TRIP4: variants seen among roughly 807,000 people sequenced by gnomAD.
TRIP4 encodes the protein thyroid hormone receptor interactor 4.
Under a neutral mutation model 81.8 loss-of-function variants are expected in TRIP4, and 54 were observed. The ratio of observed to expected loss-of-function variants is 0.66; its 90% confidence interval spans 0.53 to 0.83. The LOEUF is 0.83. Among genes scored for constraint, TRIP4 ranks in the 40% least tolerant of loss-of-function variants. The pLI, the probability that TRIP4 is intolerant of heterozygous loss-of-function variation, is 0.00. For missense variants in TRIP4, 662 were observed against 683.6 expected, an observed-to-expected ratio of 0.97 and a Z score of 0.35; for synonymous variants, 270 against 242.8, an observed-to-expected ratio of 1.11 and a Z score of -1.04.
At position 64,395,332 on chromosome 15, in the gene TRIP4, T is replaced by C. The variant is rs1029765692; in HGVS notation, c.272-66T>C. The stretch of plus-strand genomic sequence containing the variant: ...GCATCACCTTAGTTTATTAGCTATA[T>C]TAGTTCACCAGGAATCCTCTTATCA... On this transcript the variant is annotated intron_variant, in intron 2 of 12. Coordinates refer to ENST00000261884, the MANE Select transcript of TRIP4 (RefSeq NM_016213.5). 9 of 1,409,720 alleles carry C rather than the reference T, an allele frequency of 6.4e-6. No individual in the cohort carries two copies. The African/African-American group carries it at 1.3e-4, about 20-fold the overall frequency. 87.3% of individuals were successfully genotyped at this position (1,409,720 alleles called of 1,614,324 possible).
intron 12 of TRIP4, among the ~76,000 whole-genome samples, chr15:64,447,462 T>G (rs1892659651): frequency 1.3e-5 from 2 of 152,252 alleles, no homozygotes; most frequent in African/African-American, 4.8e-5. Context: ...ATACTGATGC[T>G]GTTGGCCAGC....
intron 11 of TRIP4, among the ~76,000 whole-genome samples, chr15:64,426,425 C>T (rs1031454841): frequency 3.3e-5 from 5 of 152,040 alleles, no homozygotes; most frequent in African/African-American, 9.7e-5. Flanking sequence ...ACAGGTCGGG[C>T]GCAGTGGCTT....
chr15:64,453,739 G>C (rs978134141), intron 12 of TRIP4, among the ~76,000 whole-genome samples: 1 of 152,190 alleles, frequency 6.6e-6, no homozygotes, highest in African/African-American at 2.4e-5. Context: ...AAAAGAGAGA[G>C]AGAGATAAAC....
intron 6 of TRIP4, 46 bp from the exon 7 acceptor site, chr15:64,409,567 A>G (rs1247276056): frequency 2.5e-6 from 4 of 1,569,744 alleles, no homozygotes; most frequent in Admixed American, 1.7e-5. Flanking sequence ...ATCGGTCCTT[A>G]TTTGTCAACA....
intron 11 of TRIP4, 131 bp downstream of exon 11, chr15:64,425,762 C>G: frequency 1.3e-5 from 8 of 608,820 alleles, no homozygotes; most frequent in Admixed American, 3.4e-5. Context: ...CCACACCCAG[C>G]CTGGTGCATA....
At position 64,418,694 on chromosome 15, in the gene TRIP4, C is replaced by T. The variant is rs765715143; in HGVS notation, c.1324C>T (p.Pro442Ser). The T allele has an allele frequency of 6.2e-7, 1 of 1,613,662 alleles. No homozygotes were observed. The highest frequency in any genetic ancestry group is 1.7e-5 in the Admixed American group (1 of 59,906). ...DGGWCLSVHQ[P>S]WASLLVRGIK... The stretch of plus-strand genomic sequence containing the variant: ...TGGCTGGTGCCTCTCTGTACATCAG[C>T]CCTGGGCTTCTCTGCTTGTCAGAGG... The change falls in exon 9 of 13, where the codon CCC (proline) becomes TCC (serine). Residue 442 changes from proline (P) to serine (S), a missense_variant. Physicochemically the swap from Pro to Ser is moderately conservative, Grantham distance 74 (BLOSUM62 -1). Transcript: ENST00000261884.
chr15:64,445,316 G>T, intron 12 of TRIP4: 1 of 322,996 alleles, frequency 3.1e-6, no homozygotes. Context: ...CATCTTACTT[G>T]TCTAGATTTT....
Position 64,409,844 on chromosome 15 carries a change from TAG to T in TRIP4, c.1043+18_1043+19del, listed in dbSNP as rs749700968. On this transcript the variant is annotated intron_variant, in intron 7 of 12. Transcript: ENST00000261884. The stretch of plus-strand genomic sequence containing the variant: ...ATCATAGCAGGTAAGTGAGCAGCAC[TAG>T]AAAGGGTCTCAAAGAAGGAACAGGT... The T allele has an allele frequency of 6.2e-7, 1 of 1,606,414 alleles. No individual in the cohort carries two copies. The highest frequency in any genetic ancestry group is 8.5e-7 in the Non-Finnish European group (1 of 1,173,696).
chr15:64,450,306 G>A (rs1222314712), intron 12 of TRIP4, among the ~76,000 whole-genome samples: 2 of 150,440 alleles, frequency 1.3e-5, no homozygotes, highest in African/African-American at 2.5e-5. Flanking sequence ...GGAGAATGGC[G>A]TGAACCCGGG....
chr15:64,388,167 C>T (rs1228474805), intron 1 of TRIP4: 3 of 957,814 alleles, frequency 3.1e-6, no homozygotes, highest in African/African-American at 1.7e-5. Flanking sequence ...GTCTGCCGGT[C>T]GGGCTTTTTT....
intron 3 of TRIP4, among the ~76,000 whole-genome samples, chr15:64,395,793 T>G (rs1452327699): frequency 6.6e-6 from 1 of 151,120 alleles, no homozygotes; most frequent in Non-Finnish European, 1.5e-5. Flanking sequence ...CAGTCTGGAG[T>G]GCAGTGGTGC....
chr15:64,440,533 T>C (rs1892494985), intron 11 of TRIP4, among the ~76,000 whole-genome samples: 1 of 151,184 alleles, frequency 6.6e-6, no homozygotes, highest in Non-Finnish European at 1.5e-5. Context: ...TGAAAAATAA[T>C]CTCTTCTTCC....
At chr15:64,431,847 A>ATATATATATATTTTTT in intron 11 of TRIP4, among the ~76,000 whole-genome samples, 4 of 119,560 alleles carry the variant, frequency 3.3e-5, no homozygotes, top group Non-Finnish European at 3.3e-5. Flanking sequence ...ATATATATAT[A>ATATATATATATTTTTT]TTTTTTTTAT....
chr15:64,398,911 G>T (rs553837532), intron 4 of TRIP4, among the ~76,000 whole-genome samples: 3 of 145,712 alleles, frequency 2.1e-5, no homozygotes, highest in African/African-American at 7.9e-5. Flanking sequence ...CCTCTTTTCT[G>T]ATGGGGCCCT....
At chr15:64,450,081 A>G (rs757775725) in intron 12 of TRIP4, among the ~76,000 whole-genome samples, 1 of 152,208 alleles carries the variant, frequency 6.6e-6, no homozygotes, top group Non-Finnish European at 1.5e-5. Context: ...ATGGTTCACT[A>G]TCCAGATCCT....
intron 4 of TRIP4, among the ~76,000 whole-genome samples, chr15:64,398,153 G>A (rs946553335): frequency 3.2e-4 from 49 of 152,008 alleles, no homozygotes; most frequent in African/African-American, 1.2e-3. Flanking sequence ...CGCCCACCTC[G>A]GCCTCTCAAA....
rs1369883051 is a variant in TRIP4 at position 64,425,570 on chromosome 15, G to A, written c.1514G>A (p.Gly505Asp). 2 of 1,612,602 alleles carry A rather than the reference G, an allele frequency of 1.2e-6. No individual in the cohort carries two copies. Among genetic ancestry groups the A allele is most frequent in the Non-Finnish European group, 8.5e-7 (1 of 1,179,452 alleles). The change falls in exon 11 of 13, where the codon GGT becomes GAT. Residue 505 changes from glycine (G) to aspartate (D), a missense_variant. Gly to Asp is a moderately conservative substitution (Grantham distance 94). Transcript: ENST00000261884. ...DVEFPNDYPS[G>D]CLLGCVDLID... ...GAATTTCCTAATGACTATCCGTCAG[G>A]TTGTCTTCTGGGCTGTGTGGACCTA...
At chr15:64,408,902 G>A (rs537111481) in intron 6 of TRIP4, among the ~76,000 whole-genome samples, 4 of 152,144 alleles carry the variant, frequency 2.6e-5, no homozygotes, top group Admixed American at 2.0e-4. Flanking sequence ...TATAGTAGTA[G>A]GGTAATAGAA....
In TRIP4 at chr15:64,414,208, C is replaced by T. The variant is rs150985569; in HGVS notation, c.1167C>T (p.Pro389=). 1 of 1,613,814 alleles carries T rather than the reference C, an allele frequency of 6.2e-7. No homozygotes were observed. The highest frequency in any genetic ancestry group is 1.3e-5 in the African/African-American group (1 of 74,876). Residue 389 remains proline (P), a synonymous_variant, in exon 8 of 13, where the codon CCC becomes CCT. Coordinates refer to ENST00000261884, the MANE Select transcript of TRIP4 (RefSeq NM_016213.5). The stretch of plus-strand genomic sequence containing the variant: ...ATCCCAACATGTACCAGTCCCCTCC[C>T]CAGGTTAGTGGACCTTTGCTCTAAC... The part of the protein sequence containing the change: ...LVNPNMYQSP[P]QWVDHTGAAS...
Sources: gnomAD v4.1 joint callset for allele counts (sites outside exome capture counted in the v4.1 genomes callset) on GRCh38, gnomAD v4.1.1 for gene constraint, MANE v1.5 for transcripts, NCBI Gene and HGNC (gene_info 2026-07-23, HGNC 2026-07-21) for gene names.